The following ERC2 variants were observed in gnomAD, a reference collection of about 807,000 sequenced individuals.
ERC2 encodes ELKS/RAB6-interacting/CAST family member 2.
Under a neutral mutation model 114.8 loss-of-function variants are expected in ERC2, and 42 were observed. That is an observed-to-expected ratio of 0.37 (90% confidence interval 0.29 to 0.47). The LOEUF is 0.47. Ranked by LOEUF, ERC2 falls within the 20% of genes least tolerant of loss-of-function variation. The pLI is 0.99. For synonymous variants in ERC2, 454 were observed against 425.5 expected, an observed-to-expected ratio of 1.07 and a Z score of -0.82; for missense variants, 939 against 1,150.7, an observed-to-expected ratio of 0.82 and a Z score of 2.66.
At position 55,995,798 on chromosome 3, in the gene ERC2, A is replaced by G. The variant is rs574225248; in HGVS notation, c.2062-3548T>C. Among the ~76,000 whole-genome samples the G allele has an allele frequency of 8.9e-4, 135 of 152,356 alleles. 1 individual carries two copies. The highest frequency in any genetic ancestry group is 7.1e-4 in the Non-Finnish European group (48 of 68,028). On this transcript the variant is annotated intron_variant, in intron 10 of 17. Coordinates refer to ENST00000288221, the MANE Select transcript of ERC2 (RefSeq NM_015576.3). ...GTAACCAGCATGAATGTGTTCTACC[A>G]TGATCTACAGACATGAGTGATTCTA...
intron 13 of ERC2, among the ~76,000 whole-genome samples, chr3:55,942,585 C>A (rs965053133): frequency 6.6e-5 from 10 of 151,862 alleles, no homozygotes; most frequent in Non-Finnish European, 2.9e-5. Flanking sequence ...GCGTGAGCCA[C>A]CGCGCCCGGC....
At position 56,426,580 on chromosome 3, in the gene ERC2, A is replaced by G. The variant is rs560928050; in HGVS notation, c.657+7771T>C. 2.0e-5 allele frequency among the ~76,000 whole-genome samples: 3 copies of G among 152,380 alleles called. No homozygotes were observed. In the South Asian group the frequency reaches 6.2e-4, roughly 32 times the overall value. On this transcript the variant is annotated intron_variant, in intron 2 of 17. Transcript: ENST00000288221. ...TGCTTTAGCCAACAGAATGTTGGTGAAAATGATGAAAGCCAAGGCTTTAAC... is the reference window on the plus strand; with the variant it reads ...TGCTTTAGCCAACAGAATGTTGGTGGAAATGATGAAAGCCAAGGCTTTAAC...
At chr3:55,566,855 T>C (rs2056409098) in intron 17 of ERC2, among the ~76,000 whole-genome samples, 2 of 152,130 alleles carry the variant, frequency 1.3e-5, no homozygotes, top group Non-Finnish European at 2.9e-5. Flanking sequence ...TATGTCACCA[T>C]GCCCAGCTAA....
chr3:55,890,903 C>T (rs2063567168), intron 13 of ERC2, among the ~76,000 whole-genome samples: 1 of 152,224 alleles, frequency 6.6e-6, no homozygotes, highest in South Asian at 2.1e-4. Context: ...ACCACTGCTT[C>T]TCTCTGTAAC....
At chr3:56,087,950 G>A (rs529962977) in intron 6 of ERC2, among the ~76,000 whole-genome samples, 3 of 152,204 alleles carry the variant, frequency 2.0e-5, no homozygotes, top group South Asian at 4.1e-4. Context: ...AAACTTGCTT[G>A]GTAGTAACGA....
intron 17 of ERC2, among the ~76,000 whole-genome samples, chr3:55,621,293 A>C (rs1466446506): frequency 6.6e-6 from 1 of 152,178 alleles, no homozygotes. Flanking sequence ...TGGGAATGCC[A>C]GACTTCCACA....
chr3:56,036,612 C>A (rs2074820126), intron 7 of ERC2, among the ~76,000 whole-genome samples: 1 of 152,078 alleles, frequency 6.6e-6, no homozygotes, highest in Non-Finnish European at 1.5e-5. Flanking sequence ...TTGGTGCAAC[C>A]CATGGAGAGT....
chr3:55,979,948 CTTTT>C (rs1365563396), intron 12 of ERC2, among the ~76,000 whole-genome samples: 1 of 143,420 alleles, frequency 7.0e-6, no homozygotes, highest in Admixed American at 6.9e-5. Flanking sequence ...ATCTCTTCTT[CTTTT>C]TTTTTCTTTT....
chr3:55,638,144 T>C (rs2060030645), intron 17 of ERC2, among the ~76,000 whole-genome samples: 1 of 152,196 alleles, frequency 6.6e-6, no homozygotes, highest in Non-Finnish European at 1.5e-5. Flanking sequence ...AGTCATCTTT[T>C]CTCTTTCCCC....
intron 14 of ERC2, among the ~76,000 whole-genome samples, chr3:55,770,276 C>T (rs1386685883): frequency 6.6e-6 from 1 of 152,170 alleles, no homozygotes; most frequent in African/African-American, 2.4e-5. Context: ...TCCTCCAAAG[C>T]CCACTAATAT....
intron 15 of ERC2, among the ~76,000 whole-genome samples, chr3:55,721,369 T>G (rs1187031024): frequency 2.6e-5 from 4 of 152,258 alleles, no homozygotes; most frequent in Non-Finnish European, 5.9e-5. Context: ...GAACAATGCA[T>G]CTTCTCTACT....
intron 3 of ERC2, among the ~76,000 whole-genome samples, chr3:56,242,717 A>C (rs1325645927): frequency 2.0e-5 from 3 of 152,124 alleles, no homozygotes. Flanking sequence ...CCAAGGAAAA[A>C]AAGGAGGAAT....
At chr3:55,937,628 C>G (rs1049239454) in intron 13 of ERC2, among the ~76,000 whole-genome samples, 1 of 152,054 alleles carries the variant, frequency 6.6e-6, no homozygotes, top group Non-Finnish European at 1.5e-5. Flanking sequence ...GTGGAGAGTT[C>G]AGGTGACATT....
chr3:55,690,548 A>C (rs2062588312), intron 16 of ERC2, among the ~76,000 whole-genome samples: 1 of 151,388 alleles, frequency 6.6e-6, no homozygotes, highest in African/African-American at 2.4e-5. Flanking sequence ...TGTCTGAAAA[A>C]CCCCTGTTGA....
chr3:55,908,689 G>C (rs540836170), intron 13 of ERC2, among the ~76,000 whole-genome samples: 1 of 152,256 alleles, frequency 6.6e-6, no homozygotes, highest in East Asian at 1.9e-4. Flanking sequence ...TCATGAATTA[G>C]ATGAGCTTTA....
At chr3:56,001,829 G>A (rs181764686) in intron 10 of ERC2, among the ~76,000 whole-genome samples, 1 of 152,190 alleles carries the variant, frequency 6.6e-6, no homozygotes, top group Non-Finnish European at 1.5e-5. Flanking sequence ...TAACTAGTAA[G>A]TATGAAACAA....
At chr3:55,941,656 G>A (rs1559905429) in intron 13 of ERC2, among the ~76,000 whole-genome samples, 1 of 152,146 alleles carries the variant, frequency 6.6e-6, no homozygotes, top group Non-Finnish European at 1.5e-5. Flanking sequence ...ATAAAAAGCA[G>A]CTATTATTCT....
chr3:56,400,170 T>C lies in ERC2; in HGVS notation c.657+34181A>G, dbSNP rs1231691579. On this transcript the variant is annotated intron_variant, in intron 2 of 17. Transcript: ENST00000288221. ...CTTTTTTAAAGGTCCTTATCTTTTA[T>C]AGATAGAGACTAAAACATTTATGGA... is the stretch of plus-strand genomic sequence containing the variant. 6.6e-5 allele frequency among the ~76,000 whole-genome samples: 10 copies of C among 152,190 alleles called. No homozygotes were observed. The East Asian group carries it at 1.9e-3, about 29-fold the overall frequency.
intron 13 of ERC2, among the ~76,000 whole-genome samples, chr3:55,928,147 T>C (rs966261573): frequency 6.6e-6 from 1 of 152,222 alleles, no homozygotes; most frequent in East Asian, 1.9e-4. Context: ...CTGCATTGTA[T>C]GGTAGTTCCA....
Sources: allele counts gnomAD v4.1 joint callset (sites outside exome capture counted in the v4.1 genomes callset), GRCh38; gene constraint gnomAD v4.1.1; transcripts MANE v1.5; gene names NCBI Gene and HGNC (gene_info 2026-07-23, HGNC 2026-07-21).